CNTN1: variants seen among roughly 807,000 people sequenced by gnomAD.
CNTN1 encodes the protein contactin 1, also known as contactin-1.
In CNTN1, 38 loss-of-function variants were observed where a neutral mutation model predicts 126.4. That is an observed-to-expected ratio of 0.30 (90% CI 0.23 to 0.39). The LOEUF is 0.39. Ranked by LOEUF, CNTN1 falls within the 10% of genes least tolerant of loss-of-function variation. The probability of loss-of-function intolerance (pLI) is 1.00; values close to 1 mark genes in which losing one functional copy is unlikely to be tolerated. For missense variants in CNTN1, 1,009 were observed against 1,248.4 expected (o/e 0.81, Z 2.89); for synonymous variants, 413 against 422.6 (o/e 0.98, Z 0.28).
chr12:41,032,827 T>G lies in CNTN1; in HGVS notation c.2980+3608T>G, dbSNP rs111888259. Among the ~76,000 whole-genome samples the G allele has an allele frequency of 3.9e-3, 599 of 152,322 alleles. 7 individuals are homozygous for G. Among genetic ancestry groups the G allele is most frequent in the African/African-American group, 0.014 (577 of 41,574 alleles). On this transcript the variant is annotated intron_variant, in intron 23 of 23. Coordinates refer to ENST00000551295, the MANE Select transcript of CNTN1 (RefSeq NM_001843.4). ...TCTCCATCCTTACTTGAAGCTAAGCTCCATGGGAGCAAGCTCTTGTTTGCC... is the reference window on the plus strand; with the variant it reads ...TCTCCATCCTTACTTGAAGCTAAGCGCCATGGGAGCAAGCTCTTGTTTGCC...
chr12:40,948,258 C>CTTTTTTTTTTTTTTTTTTTTTT (rs58087551), intron 14 of CNTN1, among the ~76,000 whole-genome samples: 2 of 62,682 alleles, frequency 3.2e-5, no homozygotes, highest in African/African-American at 6.5e-5. Context: ...TTCTTTCTTT[C>CTTTTTTTTTTTTTTTTTTTTTT]TTTTTTTTTT....
intron 1 of CNTN1, among the ~76,000 whole-genome samples, chr12:40,813,026 T>TTTTCTTTCCTTTCTTTC (rs1439960352): frequency 2.4e-5 from 1 of 41,274 alleles, no homozygotes; most frequent in South Asian, 8.5e-4. Context: ...CTTTCTTTCT[T>TTTTCTTTCCTTTCTTTC]TCTCTTTCTT....
chr12:40,893,201 C>T (rs924039575), intron 1 of CNTN1, among the ~76,000 whole-genome samples: 1 of 151,894 alleles, frequency 6.6e-6, no homozygotes, highest in East Asian at 1.9e-4. Flanking sequence ...TCTGCATAGT[C>T]ATGTTAGGAG....
At chr12:41,007,752 G>A (rs1279297808) in intron 17 of CNTN1, among the ~76,000 whole-genome samples, 1 of 152,166 alleles carries the variant, frequency 6.6e-6, no homozygotes, top group Admixed American at 6.5e-5. Flanking sequence ...CCAGTTGACT[G>A]GTGCCATCTT....
intron 2 of CNTN1, among the ~76,000 whole-genome samples, chr12:40,909,833 A>T (rs1283365985): frequency 6.6e-6 from 1 of 151,874 alleles, no homozygotes; most frequent in East Asian, 1.9e-4. Context: ...TAAAATAAAA[A>T]TTATCTTATT....
At position 41,059,857 on chromosome 12, in the gene CNTN1, T is replaced by G. The variant is rs887815219; in HGVS notation, c.2981-10102T>G. 3.3e-5 allele frequency among the ~76,000 whole-genome samples: 5 copies of G among 152,044 alleles called. 1 individual carries two copies. In the South Asian group the frequency reaches 1.0e-3, roughly 32 times the overall value. ...CTGGGCAACATTGTGAGACCCTATATCTACGAAAAATATAAAAACTTAGCT... is the reference window on the plus strand; with the variant it reads ...CTGGGCAACATTGTGAGACCCTATAGCTACGAAAAATATAAAAACTTAGCT... On this transcript the variant is annotated intron_variant, in intron 23 of 23. Coordinates refer to ENST00000551295, the MANE Select transcript of CNTN1 (RefSeq NM_001843.4).
At chr12:41,054,161 T>TA (rs1157520407) in intron 23 of CNTN1, among the ~76,000 whole-genome samples, 4 of 151,854 alleles carry the variant, frequency 2.6e-5, no homozygotes, top group Admixed American at 2.6e-4. Flanking sequence ...TTAAAGTCTC[T>TA]ATACTATCCT....
chr12:41,036,258 G>A (rs936666864), intron 23 of CNTN1, among the ~76,000 whole-genome samples: 1 of 152,108 alleles, frequency 6.6e-6, no homozygotes, highest in African/African-American at 2.4e-5. Context: ...CCTTTTGGTG[G>A]CAGGAGAGTC....
At chr12:40,948,049 A>T (rs1017384189) in intron 14 of CNTN1, among the ~76,000 whole-genome samples, 1 of 151,882 alleles carries the variant, frequency 6.6e-6, no homozygotes, top group Non-Finnish European at 1.5e-5. Flanking sequence ...AAACGTGATT[A>T]ATCATTCACT....
At chr12:40,980,062 T>C (rs1158942126) in intron 15 of CNTN1, among the ~76,000 whole-genome samples, 1 of 152,142 alleles carries the variant, frequency 6.6e-6, no homozygotes, top group Non-Finnish European at 1.5e-5. Context: ...AAATGTATTA[T>C]GCAAAATGAT....
intron 15 of CNTN1, among the ~76,000 whole-genome samples, chr12:40,963,056 T>C (rs1177516653): frequency 6.6e-6 from 1 of 152,038 alleles, no homozygotes; most frequent in Non-Finnish European, 1.5e-5. Flanking sequence ...TACTCTGAAA[T>C]AGGACACCTT....
At chr12:40,853,968 TATA>T (rs1276746712) in intron 1 of CNTN1, among the ~76,000 whole-genome samples, 1 of 150,672 alleles carries the variant, frequency 6.6e-6, no homozygotes. Context: ...CCTCCAAATT[TATA>T]ATAATTTTCC....
rs1380373162 is a variant in CNTN1, at chr12:40,936,816, G to C, written c.1021G>C (p.Glu341Gln). Residue 341 changes from glutamate (E) to glutamine (Q), a missense_variant, in exon 10 of 24, where the codon GAG becomes CAG. Physicochemically the swap from Glu to Gln is conservative, Grantham distance 29. Coordinates refer to ENST00000551295, the MANE Select transcript of CNTN1 (RefSeq NM_001843.4). Reference protein sequence around the residue: ...PEWVEHINDTEVDIGSDLYWP... With the variant: ...PEWVEHINDTQVDIGSDLYWP... ...GTGGGTAGAACACATCAATGACACA[G>C]AGGTGGACATAGGCAGTGATCTCTA... The C allele has an allele frequency of 6.2e-7, 1 of 1,613,374 alleles. No homozygotes were observed. The highest frequency in any genetic ancestry group is 2.2e-5 in the East Asian group (1 of 44,856).
At chr12:41,058,832 A>C (rs1250051169) in intron 23 of CNTN1, among the ~76,000 whole-genome samples, 1 of 152,206 alleles carries the variant, frequency 6.6e-6, no homozygotes, top group Non-Finnish European at 1.5e-5. Flanking sequence ...GTCAATGTCC[A>C]ATTCTAGCCA....
At chr12:40,922,821 A>G (rs1401309331) in intron 5 of CNTN1, among the ~76,000 whole-genome samples, 1 of 151,900 alleles carries the variant, frequency 6.6e-6, no homozygotes, top group Non-Finnish European at 1.5e-5. Flanking sequence ...AAATACAAAA[A>G]TTAGCTGGGC....
intron 1 of CNTN1, among the ~76,000 whole-genome samples, chr12:40,883,761 T>G (rs1415043366): frequency 6.6e-6 from 1 of 151,646 alleles, no homozygotes; most frequent in African/African-American, 2.4e-5. Flanking sequence ...AAAACTTATT[T>G]GGAAATAGTT....
At chr12:41,011,636 T>A (rs780838382) in intron 17 of CNTN1, among the ~76,000 whole-genome samples, 1 of 152,172 alleles carries the variant, frequency 6.6e-6, no homozygotes, top group Non-Finnish European at 1.5e-5. Flanking sequence ...CCCTCACCCA[T>A]GCAACTCTAG....
chr12:40,870,615 T>A (rs1019861728), intron 1 of CNTN1, among the ~76,000 whole-genome samples: 2 of 152,242 alleles, frequency 1.3e-5, no homozygotes, highest in South Asian at 4.2e-4. Context: ...AATCAGTATT[T>A]ATTGAGCACC....
chr12:40,771,737 G>A (rs914115680), intron 1 of CNTN1, among the ~76,000 whole-genome samples: 58 of 151,864 alleles, frequency 3.8e-4, no homozygotes, highest in African/African-American at 1.4e-3. Flanking sequence ...TGGTTAGGGT[G>A]GGTGGTGTAT....
Sources: allele counts gnomAD v4.1 joint callset (sites outside exome capture counted in the v4.1 genomes callset), GRCh38; gene constraint gnomAD v4.1.1; transcripts MANE v1.5; gene names NCBI Gene and HGNC (gene_info 2026-07-23, HGNC 2026-07-21).